The following PLD5 variants were observed in gnomAD, a reference collection of about 807,000 sequenced individuals.
PLD5 encodes the protein phospholipase D family member 5.
A neutral mutation model predicts 61.1 loss-of-function variants in PLD5; 36 were observed. That is an observed-to-expected ratio of 0.59 (90% CI 0.45 to 0.78). PLD5 has a LOEUF of 0.78. PLD5 is among the 30% of genes least tolerant of loss of function. The pLI is 0.00. For missense variants in PLD5, 515 were observed against 644.4 expected (o/e 0.80, Z 2.17); for synonymous variants, 243 against 242.8 (o/e 1.00, Z -0.01).
intron 3 of PLD5, among the ~76,000 whole-genome samples, chr1:242,285,168 T>G (rs1038909401): frequency 6.6e-6 from 1 of 152,224 alleles, no homozygotes; most frequent in East Asian, 1.9e-4. Context: ...GAGAGTGACT[T>G]GAACTAAGCT....
At chr1:242,178,567 A>G (rs754455929) in intron 5 of PLD5, among the ~76,000 whole-genome samples, 6 of 152,212 alleles carry the variant, frequency 3.9e-5, no homozygotes, top group Non-Finnish European at 8.8e-5. Context: ...TTTCAGGAAG[A>G]CAAGATGGTG....
intron 1 of PLD5, among the ~76,000 whole-genome samples, chr1:242,423,602 G>C (rs1297818317): frequency 3.3e-5 from 5 of 152,078 alleles, no homozygotes; most frequent in African/African-American, 9.7e-5. Context: ...AGGAACTCAA[G>C]ACCAGCCTGG....
At chr1:242,482,846 T>A (rs1428403257) in intron 1 of PLD5, among the ~76,000 whole-genome samples, 2 of 152,212 alleles carry the variant, frequency 1.3e-5, no homozygotes, top group Non-Finnish European at 2.9e-5. Flanking sequence ...CCCATCACAC[T>A]AATAGCTGAT....
At chr1:242,140,441 C>T (rs920857690) in intron 5 of PLD5, among the ~76,000 whole-genome samples, 4 of 95,500 alleles carry the variant, frequency 4.2e-5, no homozygotes, top group Admixed American at 8.9e-5. Flanking sequence ...TCCAGGAGTT[C>T]GAGACCAGCC....
At chr1:242,484,738 C>T (rs1667899381) in intron 1 of PLD5, among the ~76,000 whole-genome samples, 1 of 152,154 alleles carries the variant, frequency 6.6e-6, no homozygotes, top group Non-Finnish European at 1.5e-5. Flanking sequence ...ATACCAAAGC[C>T]TGGCAGAGAC....
At chr1:242,198,070 C>CTGAATGAATGAA (rs58830670) in intron 5 of PLD5, among the ~76,000 whole-genome samples, 3,527 of 150,466 alleles carry the variant, frequency 0.023, 61 homozygotes, top group African/African-American at 0.028. Context: ...CAAATCCTTG[C>CTGAATGAATGAA]TGAATGAATG....
At chr1:242,275,685 A>G (rs1674374277) in intron 3 of PLD5, among the ~76,000 whole-genome samples, 1 of 152,236 alleles carries the variant, frequency 6.6e-6, no homozygotes. Flanking sequence ...AGGGAAAAGC[A>G]TAGCATGGCA....
intron 1 of PLD5, chr1:242,449,274 C>T (rs1666683430): frequency 6.6e-7 from 1 of 1,518,058 alleles, no homozygotes; most frequent in Non-Finnish European, 8.8e-7. Context: ...ATGCTACCAA[C>T]AGCCATTTTC....
chr1:242,143,290 T>C (rs1284447194), intron 5 of PLD5, among the ~76,000 whole-genome samples: 1 of 152,148 alleles, frequency 6.6e-6, no homozygotes, highest in African/African-American at 2.4e-5. Context: ...TGACCTCAAA[T>C]GATCCACCTA....
chr1:242,212,239 G>A (rs1389798569), intron 5 of PLD5, among the ~76,000 whole-genome samples: 3 of 152,200 alleles, frequency 2.0e-5, no homozygotes, highest in African/African-American at 7.2e-5. Context: ...ATAGGAAAAA[G>A]GACAGGGGAT....
Position 242,115,230 on chromosome 1 carries a change from C to T in PLD5, c.934-1204G>A, listed in dbSNP as rs1661849095. ...GAAAGTGCACAATAAATGTGATGCC[C>T]TTCAATCATCCTGAAAGCATCCCTG... On this transcript the variant is annotated intron_variant, in intron 6 of 9. Coordinates refer to ENST00000536534, the MANE Select transcript of PLD5 (RefSeq NM_001372062.1). 2.6e-5 allele frequency among the ~76,000 whole-genome samples: 4 copies of T among 152,048 alleles called. No individual in the cohort carries two copies. The South Asian group carries it at 8.3e-4, about 32-fold the overall frequency.
intron 1 of PLD5, among the ~76,000 whole-genome samples, chr1:242,465,799 G>T (rs112928663): frequency 6.6e-6 from 1 of 152,230 alleles, no homozygotes; most frequent in East Asian, 1.9e-4. Flanking sequence ...GCATGGTGGC[G>T]GATGCCTGTA....
At chr1:242,397,341 T>A (rs1474081493) in intron 1 of PLD5, among the ~76,000 whole-genome samples, 4 of 115,702 alleles carry the variant, frequency 3.5e-5, no homozygotes, top group Non-Finnish European at 7.2e-5. Context: ...CTGTTTTTTT[T>A]CTTTGTTTTT....
intron 5 of PLD5, among the ~76,000 whole-genome samples, chr1:242,173,779 C>G (rs1225438386): frequency 7.9e-5 from 12 of 151,946 alleles, no homozygotes; most frequent in Non-Finnish European, 1.6e-4. Flanking sequence ...ACAAACCTGA[C>G]AAAAACAAGA....
chr1:242,289,011 T>C (rs1675195565), intron 2 of PLD5, among the ~76,000 whole-genome samples: 1 of 152,200 alleles, frequency 6.6e-6, no homozygotes, highest in Non-Finnish European at 1.5e-5. Flanking sequence ...TAATTATTGC[T>C]GAGCATCTAC....
chr1:242,352,251 C>T lies in PLD5; in HGVS notation c.190-4009G>A, dbSNP rs1346789372. ...CCTCTGGTAACCACCATTCTACTCT[C>T]TACTTCTATAACTGCAATTGTTTTA... is the stretch of plus-strand genomic sequence containing the variant. On this transcript the variant is annotated intron_variant, in intron 1 of 9. Coordinates refer to ENST00000536534, the MANE Select transcript of PLD5 (RefSeq NM_001372062.1). Among the ~76,000 whole-genome samples, 4 of 152,336 alleles carry T rather than the reference C, an allele frequency of 2.6e-5. No homozygotes were observed. In the South Asian group the frequency reaches 6.2e-4, roughly 24 times the overall value.
Position 242,274,273 on chromosome 1 carries a change from G to A in PLD5, c.496-8825C>T, listed in dbSNP as rs56009828. The stretch of plus-strand genomic sequence containing the variant: ...ACAAAATGTGTTAAAAATTGGCTAG[G>A]TGCAGTGCTTACGCCTATAATCCCA... On this transcript the variant is annotated intron_variant, in intron 3 of 9. Transcript: ENST00000536534. Among the ~76,000 whole-genome samples, 951 of 152,350 alleles carry A rather than the reference G, an allele frequency of 6.2e-3. 10 individuals are homozygous for A. Among genetic ancestry groups the A allele is most frequent in the African/African-American group, 0.022 (913 of 41,588 alleles).
At position 242,423,994 on chromosome 1, in the gene PLD5, A is replaced by C. The variant is rs1665284082; in HGVS notation, c.190-75752T>G. On this transcript the variant is annotated intron_variant, in intron 1 of 9. Transcript: ENST00000536534. ...TGAAACTGATGCCAACAAACTCCTC[A>C]CAACGTTTCTTCATATGTAAAAAGC... Among the ~76,000 whole-genome samples, 5 of 82,988 alleles carry C rather than the reference A, an allele frequency of 6.0e-5. No individual in the cohort carries two copies. In the South Asian group the frequency reaches 1.8e-3, roughly 29 times the overall value. 54.4% of individuals were successfully genotyped at this position (82,988 alleles called of 152,430 possible).
chr1:242,176,453 T>C (rs1467260071), intron 5 of PLD5, among the ~76,000 whole-genome samples: 3 of 152,172 alleles, frequency 2.0e-5, no homozygotes, highest in Non-Finnish European at 4.4e-5. Context: ...GATTAAAGAC[T>C]TAAATGTAAG....
Sources: allele counts gnomAD v4.1 joint callset (sites outside exome capture counted in the v4.1 genomes callset), GRCh38; gene constraint gnomAD v4.1.1; transcripts MANE v1.5; gene names NCBI Gene and HGNC (gene_info 2026-07-23, HGNC 2026-07-21).